The following LPIN2 variants were observed in gnomAD, a reference collection of about 807,000 sequenced individuals.
The protein encoded by LPIN2 is phosphatidate phosphatase LPIN2.
Under a neutral mutation model 111.4 loss-of-function variants are expected in LPIN2, and 55 were observed. The observed-to-expected ratio is 0.49, with a 90% CI of 0.40 to 0.62. The LOEUF is 0.62. Ranked by LOEUF, LPIN2 falls within the 20% of genes least tolerant of loss-of-function variation. The pLI is 0.00. For synonymous variants in LPIN2, 425 were observed against 414.0 expected, an observed-to-expected ratio of 1.03 and a Z score of -0.32; for missense variants, 992 against 1,112.1, an observed-to-expected ratio of 0.89 and a Z score of 1.54.
intron 3 of LPIN2, 32 bp from the exon 4 acceptor site, chr18:2,951,388 A>G (rs763688765): frequency 6.4e-7 from 1 of 1,573,784 alleles, no homozygotes; most frequent in South Asian, 1.1e-5. Flanking sequence ...AAAGTTATCC[A>G]TGACAAACTC....
At chr18:2,952,183 T>C (rs991733893) in intron 3 of LPIN2, among the ~76,000 whole-genome samples, 1 of 152,172 alleles carries the variant, frequency 6.6e-6, no homozygotes, top group Non-Finnish European at 1.5e-5. Flanking sequence ...TCCCAGCACT[T>C]TGGGAGGCAG....
rs554949226 is a variant in LPIN2 at position 2,951,001 on chromosome 18, T to C, written c.590+54A>G. The C allele has an allele frequency of 1.9e-6, 3 of 1,603,914 alleles. No homozygotes were observed. The East Asian group carries it at 6.7e-5, about 36-fold the overall frequency. ...CATAAAAAAACTGGCAGCTCCTGGC[T>C]TCACATGAACTCTAGGTACCCGCAC... On this transcript the variant is annotated intron_variant, in intron 4 of 19. Transcript: ENST00000677752.
chr18:2,921,460 G>T (rs1313168705), intron 18 of LPIN2, 73 bp downstream of exon 18: 14 of 1,129,186 alleles, frequency 1.2e-5, no homozygotes, highest in Non-Finnish European at 1.6e-5. Context: ...GAATTGGGAC[G>T]TGGCTACACC....
At chr18:2,988,492 T>C (rs983258876) in intron 1 of LPIN2, among the ~76,000 whole-genome samples, 4 of 152,218 alleles carry the variant, frequency 2.6e-5, no homozygotes, top group Non-Finnish European at 4.4e-5. Flanking sequence ...GACTGAGATG[T>C]GTAAGAAAAA....
chr18:2,935,426 A>C (rs1463547562), intron 7 of LPIN2, among the ~76,000 whole-genome samples: 3 of 152,218 alleles, frequency 2.0e-5, no homozygotes, highest in South Asian at 2.1e-4. Context: ...AACGTGAGAG[A>C]GCCTAGAAGA....
At position 3,004,868 on chromosome 18, in the gene LPIN2, C is replaced by T. The variant is rs190192278; in HGVS notation, c.-10+8219G>A. Reference sequence around the variant, plus strand: ...ACAGGCCAAAGAACATCAGGTTTACCTTGTCCAACTCATTCCAAAGTGCAC... The same window carrying T: ...ACAGGCCAAAGAACATCAGGTTTACTTTGTCCAACTCATTCCAAAGTGCAC... On this transcript the variant is annotated intron_variant, in intron 1 of 19. Transcript: ENST00000677752. Among the ~76,000 whole-genome samples, 106 of 152,314 alleles carry T rather than the reference C, an allele frequency of 7.0e-4. 1 individual carries two copies. Among genetic ancestry groups the T allele is most frequent in the African/African-American group, 2.3e-3 (94 of 41,568 alleles).
intron 4 of LPIN2, among the ~76,000 whole-genome samples, chr18:2,944,404 T>G (rs1278556402): frequency 1.6e-5 from 2 of 124,860 alleles, no homozygotes; most frequent in Admixed American, 1.1e-4. Context: ...CAGGCTGGAG[T>G]GCAGTGGCGC....
At chr18:2,976,500 C>T (rs2143333618) in intron 1 of LPIN2, among the ~76,000 whole-genome samples, 1 of 152,312 alleles carries the variant, frequency 6.6e-6, no homozygotes, top group African/African-American at 2.4e-5. Flanking sequence ...AAGAAGATAA[C>T]TCAAGGACTA....
At chr18:2,957,784 C>T (rs894984558) in intron 2 of LPIN2, among the ~76,000 whole-genome samples, 2 of 152,042 alleles carry the variant, frequency 1.3e-5, no homozygotes, top group Non-Finnish European at 2.9e-5. Flanking sequence ...AGCTTTTTTG[C>T]CTAAGCTAGT....
At chr18:2,940,845 T>C (rs1040228185) in intron 4 of LPIN2, 133 bp from the exon 5 acceptor site, 42 of 680,722 alleles carry the variant, frequency 6.2e-5, no homozygotes, top group Non-Finnish European at 1.0e-4. Context: ...CTCTAAAATA[T>C]ATGAAGGAGA....
chr18:2,945,677 C>A, intron 4 of LPIN2: 2 of 1,402,646 alleles, frequency 1.4e-6, no homozygotes, highest in Non-Finnish European at 2.0e-6. Flanking sequence ...AATAACTTCG[C>A]TTTACATCAA....
At chr18:2,953,993 C>T (rs988200875) in intron 3 of LPIN2, among the ~76,000 whole-genome samples, 2 of 152,128 alleles carry the variant, frequency 1.3e-5, no homozygotes, top group Non-Finnish European at 2.9e-5. Flanking sequence ...CATGTAATCA[C>T]TTATAAAAGG....
At chr18:2,960,174 A>ATATGTG (rs1303131816) in intron 2 of LPIN2, among the ~76,000 whole-genome samples, 36 of 136,540 alleles carry the variant, frequency 2.6e-4, no homozygotes, top group African/African-American at 6.4e-4. Flanking sequence ...CGACTCAAAA[A>ATATGTG]TGTGTGTGTG....
chr18:2,947,781 T>A (rs532925754), intron 4 of LPIN2, among the ~76,000 whole-genome samples: 1 of 152,356 alleles, frequency 6.6e-6, no homozygotes, highest in South Asian at 2.1e-4. Context: ...CGCCACGTAA[T>A]TCCTAGTCCT....
chr18:3,012,183 A>C (rs749230008), intron 1 of LPIN2, among the ~76,000 whole-genome samples: 2 of 152,126 alleles, frequency 1.3e-5, no homozygotes, highest in Non-Finnish European at 2.9e-5. Flanking sequence ...CTCGTTTTCA[A>C]TTAAAAAAAA....
chr18:2,933,453 C>T (rs963143890), intron 8 of LPIN2, among the ~76,000 whole-genome samples: 5 of 152,000 alleles, frequency 3.3e-5, no homozygotes, highest in African/African-American at 1.2e-4. Context: ...GTTTTTTCAC[C>T]TTAAAAAAAT....
chr18:2,936,419 G>C (rs1243368774), intron 7 of LPIN2, among the ~76,000 whole-genome samples: 1 of 152,150 alleles, frequency 6.6e-6, no homozygotes, highest in Admixed American at 6.5e-5. Flanking sequence ...CCAAAAGTGA[G>C]GAAGAACTGT....
chr18:2,959,890 G>T (rs578232023), intron 2 of LPIN2, among the ~76,000 whole-genome samples: 6 of 152,148 alleles, frequency 3.9e-5, no homozygotes, highest in African/African-American at 1.4e-4. Context: ...GGCCAGGTGC[G>T]GTGGCTCTAC....
chr18:3,006,247 C>T (rs1331268118), intron 1 of LPIN2, among the ~76,000 whole-genome samples: 1 of 152,198 alleles, frequency 6.6e-6, no homozygotes, highest in Non-Finnish European at 1.5e-5. Context: ...TAGAAGGCAT[C>T]AGCACCACTT....
Sources: allele counts gnomAD v4.1 joint callset (sites outside exome capture counted in the v4.1 genomes callset), GRCh38; gene constraint gnomAD v4.1.1; transcripts MANE v1.5; gene names NCBI Gene and HGNC (gene_info 2026-07-23, HGNC 2026-07-21).